SCYL1: variants seen among roughly 807,000 people sequenced by gnomAD.
SCYL1 encodes N-terminal kinase-like protein.
SCYL1 carries 85 observed loss-of-function variants against 94.8 expected under a neutral mutation model. That is an observed-to-expected ratio of 0.90 (90% CI 0.75 to 1.07). The LOEUF (loss-of-function observed/expected upper bound fraction) is 1.07, where lower values mean the gene tolerates loss of function less well. SCYL1 is among the 50% of genes least tolerant of loss of function. SCYL1 has a pLI of 0.00. For synonymous variants in SCYL1, 459 were observed against 435.5 expected (o/e 1.05, Z -0.67); for missense variants, 968 against 1,083.3 (o/e 0.89, Z 1.49).
chr11:65,525,742 T>G, intron 2 of SCYL1, 28 bp downstream of exon 2: 1 of 1,610,920 alleles, frequency 6.2e-7, no homozygotes, highest in South Asian at 1.1e-5. Flanking sequence ...TGCCCGTCTC[T>G]GCCCCTCACG....
At position 65,525,729 on chromosome 11, in the gene SCYL1, G is replaced by A; in HGVS notation, c.252+15G>A. ...ATGGACTGGAGGTACCTGCTGCCTT[G>A]CCTGCCCGTCTCTGCCCCTCACGAT... On this transcript the variant is annotated intron_variant, in intron 2 of 17. Coordinates refer to ENST00000270176, the MANE Select transcript of SCYL1 (RefSeq NM_020680.4). 2 of 1,611,996 alleles carry A rather than the reference G, an allele frequency of 1.2e-6. No homozygotes were observed. Among genetic ancestry groups the A allele is most frequent in the Non-Finnish European group, 8.5e-7 (1 of 1,179,416 alleles).
In SCYL1 at chr11:65,538,459, C is replaced by A. The variant is rs1224057842; in HGVS notation, c.2320C>A (p.Leu774Met). Residue 774 changes from leucine to methionine, a missense_variant, in exon 18 of 18, where the codon CTG becomes ATG. Coordinates refer to ENST00000270176, the MANE Select transcript of SCYL1 (RefSeq NM_020680.4). ...ETDSRQVKAE[L>M]ARKKREERRR... is the part of the protein sequence containing the mutation. ...GACGCCAGGACAGGTCAAGGCTGAG[C>A]TGGCCCGGAAGAAGCGCGAGGAGCG... The A allele has an allele frequency of 1.3e-6, 2 of 1,567,558 alleles. No homozygotes were observed. The highest frequency in any genetic ancestry group is 1.4e-5 in the African/African-American group (1 of 73,852).
rs775383348 is a variant in SCYL1 at position 65,535,200 on chromosome 11, C to T, written c.1231-27C>T. ...AAGGCCCTTTGCCCGCCACAGCCCA[C>T]AGTTCCCACTCATTTCTGCCCCACA... On this transcript the variant is annotated intron_variant, in intron 9 of 17. Coordinates refer to ENST00000270176, the MANE Select transcript of SCYL1 (RefSeq NM_020680.4). 83 of 1,608,640 alleles carry T rather than the reference C, an allele frequency of 5.2e-5. 1 individual carries two copies. In the South Asian group the frequency reaches 7.6e-4, roughly 15 times the overall value.
Position 65,536,850 on chromosome 11 carries a change from G to T in SCYL1, c.1816+100G>T. 2.1e-6 allele frequency: 3 copies of T among 1,419,592 alleles called. No individual in the cohort carries two copies. The Admixed American group carries it at 5.4e-5, about 26-fold the overall frequency. The allele number at this position is 1,419,592 out of a possible 1,614,324, so 87.9% of individuals were successfully genotyped here. On this transcript the variant is annotated intron_variant, in intron 13 of 17. Coordinates refer to ENST00000270176, the MANE Select transcript of SCYL1 (RefSeq NM_020680.4). ...TGACTCCCCCGGGGATGGTGAAGGG[G>T]ATATAGGAGCTGGGTAGGCTCCAGT...
In SCYL1 at chr11:65,538,673, A is replaced by G. The variant is rs1855868489; in HGVS notation, c.*107A>G. ...CCCAGCCAGGCCATCTCACGTGTAC[A>G]TAATCAGAGCCACAATAAATTCTAT... On this transcript the variant is annotated 3_prime_UTR_variant, in exon 18 of 18. Transcript: ENST00000270176. 7.6e-7 allele frequency: 1 copy of G among 1,307,506 alleles called. No homozygotes were observed. The highest frequency in any genetic ancestry group is 2.5e-5 in the East Asian group (1 of 39,802). The allele number at this position is 1,307,506 out of a possible 1,614,324, so 81.0% of individuals were successfully genotyped here.
At chr11:65,536,813 A>C in intron 13 of SCYL1, 63 bp downstream of exon 13, 1 of 1,520,130 alleles carries the variant, frequency 6.6e-7, no homozygotes, top group Non-Finnish European at 9.0e-7. Context: ...GCACCCAGGA[A>C]CTCTTACTGT....
In SCYL1 at chr11:65,536,012, G is replaced by T; in HGVS notation, c.1446G>T (p.Pro482=). 1 of 1,613,874 alleles carries T rather than the reference G, an allele frequency of 6.2e-7. No individual in the cohort carries two copies. The highest frequency in any genetic ancestry group is 1.3e-5 in the African/African-American group (1 of 75,032). ...FSRATRDPFA[P]SRVAGVLGFA... is the part of the protein sequence containing the mutation. Reference sequence around the variant, plus strand: ...GAGCCACTAGGGACCCGTTTGCACCGTCCCGGGTTGCGGGTGTCCTGGGCT... The same window carrying T: ...GAGCCACTAGGGACCCGTTTGCACCTTCCCGGGTTGCGGGTGTCCTGGGCT... The change falls in exon 11 of 18, where the codon CCG becomes CCT. Residue 482 remains proline (P), a synonymous_variant. Transcript: ENST00000270176.
rs543699781 is a variant in SCYL1, at chr11:65,534,684, G to C, written c.1231-543G>C. On this transcript the variant is annotated intron_variant, in intron 9 of 17. Transcript: ENST00000270176. ...AAATGGCTGAGATCACCTAGGGCAA[G>C]AGTGTTAGATAGAAAAGAGCCCTCT... Among the ~76,000 whole-genome samples the C allele has an allele frequency of 5.9e-5, 9 of 152,322 alleles. No individual in the cohort carries two copies. The East Asian group carries it at 1.5e-3, about 26-fold the overall frequency.
At position 65,530,655 on chromosome 11, in the gene SCYL1, A is replaced by T; in HGVS notation, c.876A>T (p.Lys292Asn). 6.2e-7 allele frequency: 1 copy of T among 1,613,706 alleles called. No homozygotes were observed. Among genetic ancestry groups the T allele is most frequent in the Non-Finnish European group, 8.5e-7 (1 of 1,179,804 alleles). ...IQIKEPAEKQ[K>N]FFQELSKSLD... ...TCAAAGAGCCAGCCGAGAAGCAAAA[A>T]TTCTTCCAGGAGCTGAGCAAGAGCC... is the stretch of plus-strand genomic sequence containing the variant. The change falls in exon 7 of 18, where the codon AAA (lysine) becomes AAT (asparagine). Residue 292 changes from lysine (K) to asparagine (N), a missense_variant. Around this residue, in one of 2 missense-constraint regions of SCYL1, gnomAD observed 494 missense variants for 619.7 expected, o/e 0.80. Transcript: ENST00000270176.
intron 9 of SCYL1, among the ~76,000 whole-genome samples, chr11:65,534,735 TAG>T (rs1565075965): frequency 1.3e-5 from 2 of 152,050 alleles, no homozygotes; most frequent in Non-Finnish European, 2.9e-5. Context: ...GTGTGAACGT[TAG>T]AGTCTCAGCA....
Position 65,526,735 on chromosome 11 carries a change from T to C in SCYL1, c.603-48T>C, listed in dbSNP as rs1305196988. The C allele has an allele frequency of 7.0e-6, 11 of 1,571,182 alleles. No individual in the cohort carries two copies. Among genetic ancestry groups the C allele is most frequent in the Non-Finnish European group, 9.6e-6 (11 of 1,150,510 alleles). Reference sequence around the variant, plus strand: ...TGGTGCCCAAGGCAGGCTGGAGGCCTGTGCAGGTGGTTGGTGGGGCCCTAA... The same window carrying C: ...TGGTGCCCAAGGCAGGCTGGAGGCCCGTGCAGGTGGTTGGTGGGGCCCTAA... On this transcript the variant is annotated intron_variant, in intron 4 of 17. Transcript: ENST00000270176. This position sits in a 1 kb window ranked among gnomAD's most constrained non-coding sequence, Gnocchi z 4.1.
In SCYL1 at chr11:65,538,572, G is replaced by A. The variant is rs1376785530; in HGVS notation, c.*6G>A. On this transcript the variant is annotated 3_prime_UTR_variant, in exon 18 of 18. Coordinates refer to ENST00000270176, the MANE Select transcript of SCYL1 (RefSeq NM_020680.4). The stretch of plus-strand genomic sequence containing the variant: ...GAGCCCGGAAGCTGGACTGAACCGT[G>A]GCGGTGGCCCTTCCCGGCTGCGGAG... 2 of 1,608,652 alleles carry A rather than the reference G, an allele frequency of 1.2e-6. No individual in the cohort carries two copies. The highest frequency in any genetic ancestry group is 1.1e-5 in the South Asian group (1 of 90,788).
Position 65,530,670 on chromosome 11 carries a change from G to A in SCYL1, c.891G>A (p.Leu297=), listed in dbSNP as rs376490432. 27 of 1,613,942 alleles carry A rather than the reference G, an allele frequency of 1.7e-5. No individual in the cohort carries two copies. The African/African-American group carries it at 2.9e-4, about 18-fold the overall frequency. Residue 297 remains leucine (L), a synonymous_variant, in exon 7 of 18, where the codon CTG becomes CTA. Transcript: ENST00000270176. ...PAEKQKFFQE[L]SKSLDAFPED... ...AGAAGCAAAAATTCTTCCAGGAGCT[G>A]AGCAAGAGCCTGGACGCATTCCCTG...
intron 12 of SCYL1, 82 bp from the exon 13 acceptor site, chr11:65,536,504 G>C (rs1215192045): frequency 6.6e-7 from 1 of 1,516,908 alleles, no homozygotes; most frequent in African/African-American, 1.4e-5. Context: ...GGTGGCTGCA[G>C]GGCACTGTCA....
intron 9 of SCYL1, among the ~76,000 whole-genome samples, chr11:65,533,921 C>A (rs900771863): frequency 9.9e-5 from 15 of 152,066 alleles, no homozygotes; most frequent in African/African-American, 3.6e-4. Context: ...ATGGTAAAAC[C>A]CCATCTCTAC....
intron 14 of SCYL1, 35 bp downstream of exon 14, chr11:65,537,163 C>A: frequency 6.2e-7 from 1 of 1,612,312 alleles, no homozygotes; most frequent in South Asian, 1.1e-5. Context: ...CCAGGGGACC[C>A]CAGCTCAAAT....
intron 8 of SCYL1, 137 bp downstream of exon 8, chr11:65,531,820 G>T: frequency 1.5e-6 from 1 of 658,374 alleles, no homozygotes; most frequent in East Asian, 2.7e-5. Flanking sequence ...ACCCAATGAG[G>T]CCAGGCTCTC....
At chr11:65,531,510 T>G in intron 7 of SCYL1, 66 bp from the exon 8 acceptor site, 2 of 1,247,964 alleles carry the variant, frequency 1.6e-6, no homozygotes, top group South Asian at 2.4e-5. Flanking sequence ...CCCCAGGAAT[T>G]TAGATAAGCC....
In SCYL1 at chr11:65,536,587, GA is replaced by G; in HGVS notation, c.1655del (p.Lys552ArgfsTer23). On this transcript the variant is annotated frameshift_variant and splice_region_variant, in exon 13 of 18. Transcript: ENST00000270176. LOFTEE classifies it high-confidence loss of function. ...EDPTQLEEVEKDVHAASSPGM... is the reference protein window; with the variant it reads ...EDPTQLEEVEXDVHAASSPGM... Reference sequence around the variant, plus strand: ...CCTCTCTCTCATGCCACTGCCCAGAGAAGGATGTCCATGCAGCCTCCAGCCC... The same window carrying G: ...CCTCTCTCTCATGCCACTGCCCAGAGAGGATGTCCATGCAGCCTCCAGCCC... 1 of 1,614,028 alleles carries G rather than the reference GA, an allele frequency of 6.2e-7. No individual in the cohort carries two copies.
Sources: gnomAD v4.1 joint callset for allele counts (sites outside exome capture counted in the v4.1 genomes callset) on GRCh38, gnomAD v4.1.1 for gene constraint, gnomAD v4.1.1 regional missense constraint, Gnocchi (gnomAD v3.1) non-coding constraint, MANE v1.5 for transcripts, NCBI Gene and HGNC (gene_info 2026-07-23, HGNC 2026-07-21) for gene names.